Variants in C6 observed in about 807,000 individuals in gnomAD.
The protein encoded by C6 is complement C6.
In C6, 101 loss-of-function variants were observed where a neutral mutation model predicts 112.9. The observed-to-expected ratio is 0.89, with a 90% CI of 0.76 to 1.06. C6 has a LOEUF of 1.06. Among genes scored for constraint, C6 ranks in the 50% least tolerant of loss-of-function variants. C6 has a pLI of 0.00. For missense variants in C6, 1,202 were observed against 1,104.6 expected (o/e 1.09, Z -1.25); for synonymous variants, 431 against 384.1 (o/e 1.12, Z -1.43).
chr5:41,253,106 G>A (rs2921170), intron 1 of C6, among the ~76,000 whole-genome samples: 102,093 of 152,066 alleles, frequency 0.67, 34,451 homozygotes, highest in South Asian at 0.72. Flanking sequence ...ATTGAAATCT[G>A]ATTATATGTT....
At chr5:41,258,322 CACTT>C (rs1186976231) in intron 1 of C6, among the ~76,000 whole-genome samples, 1 of 152,162 alleles carries the variant, frequency 6.6e-6, no homozygotes, top group Non-Finnish European at 1.5e-5. Flanking sequence ...AGGATTCTGA[CACTT>C]ATTCAATTGT....
intron 1 of C6, among the ~76,000 whole-genome samples, chr5:41,253,499 C>T (rs912116914): frequency 2.0e-5 from 3 of 152,200 alleles, no homozygotes; most frequent in Non-Finnish European, 1.5e-5. Context: ...CCAGGCTCCA[C>T]TTGGGATTTT....
intron 1 of C6, among the ~76,000 whole-genome samples, chr5:41,250,338 G>A (rs1741272670): frequency 6.6e-6 from 1 of 152,082 alleles, no homozygotes; most frequent in Admixed American, 6.6e-5. Flanking sequence ...ACCGGCATGA[G>A]TTAGATGATT....
At chr5:41,181,632 T>G in intron 6 of C6, 73 bp from the exon 7 acceptor site, 2 of 1,223,258 alleles carry the variant, frequency 1.6e-6, no homozygotes, top group Non-Finnish European at 2.4e-6. Context: ...TCTAATGAAA[T>G]GATGATTTAT....
intron 16 of C6, among the ~76,000 whole-genome samples, 197 bp downstream of exon 16, chr5:41,149,738 G>A (rs906181027): frequency 6.6e-6 from 1 of 152,186 alleles, no homozygotes; most frequent in African/African-American, 2.4e-5. Context: ...TTTAAACAGG[G>A]AACTGGGCTG....
At chr5:41,209,344 C>T (rs141740854) in intron 1 of C6, among the ~76,000 whole-genome samples, 1 of 152,092 alleles carries the variant, frequency 6.6e-6, no homozygotes, top group Non-Finnish European at 1.5e-5. Flanking sequence ...CACCCCTATT[C>T]AACATAGTGT....
Position 41,153,711 on chromosome 5 carries a change from C to G in C6, c.2290+99G>C, listed in dbSNP as rs371440721. On this transcript the variant is annotated intron_variant, in intron 15 of 17. Transcript: ENST00000337836. ...CTGTCTAAACTTGCATCTTTTTTAGCCTCTCAGTGCTTAAGAAATATAATG... is the reference window on the plus strand; with the variant it reads ...CTGTCTAAACTTGCATCTTTTTTAGGCTCTCAGTGCTTAAGAAATATAATG... 2.8e-5 allele frequency: 26 copies of G among 912,406 alleles called. 1 individual carries two copies. The highest frequency in any genetic ancestry group is 7.4e-5 in the East Asian group (3 of 40,726). 56.5% of individuals were successfully genotyped at this position (912,406 alleles called of 1,614,324 possible). A position where few individuals can be genotyped will look rare whatever the true frequency, so the allele number is the denominator to read the frequency against.
At position 41,234,882 on chromosome 5, in the gene C6, C is replaced by T. The variant is rs117860557; in HGVS notation, c.-21+26312G>A. 1.7e-3 allele frequency among the ~76,000 whole-genome samples: 261 copies of T among 152,010 alleles called. 6 individuals carry two copies. The East Asian group carries it at 0.048, about 28-fold the overall frequency. On this transcript the variant is annotated intron_variant, in intron 1 of 17. Coordinates refer to the C6 transcript ENST00000263413. ...ATACAAGGTAGATAATTTATTGTTG[C>T]CTGTTGCTATAATAATTCCTTACTA...
chr5:41,149,054 C>G (rs1189626154), intron 17 of C6, among the ~76,000 whole-genome samples, 187 bp downstream of exon 17: 1 of 152,212 alleles, frequency 6.6e-6, no homozygotes, highest in East Asian at 1.9e-4. Flanking sequence ...ACCCACATTA[C>G]TACAGTAGTT....
intron 9 of C6, among the ~76,000 whole-genome samples, chr5:41,164,870 C>T (rs535771521): frequency 2.3e-4 from 35 of 152,200 alleles, no homozygotes; most frequent in African/African-American, 7.9e-4. Flanking sequence ...CAGAAATGTA[C>T]ATAAATCATT....
chr5:41,230,939 A>C (rs1368646885), intron 1 of C6, among the ~76,000 whole-genome samples: 2 of 152,144 alleles, frequency 1.3e-5, no homozygotes, highest in African/African-American at 4.8e-5. Context: ...TTCTATTGTT[A>C]TATCTTTTTG....
At chr5:41,250,505 A>G (rs1741284896) in intron 1 of C6, among the ~76,000 whole-genome samples, 1 of 152,202 alleles carries the variant, frequency 6.6e-6, no homozygotes, top group Admixed American at 6.5e-5. Flanking sequence ...TGTCCCATTC[A>G]TGTTGGGCCT....
chr5:41,144,468 T>G (rs1005219986), intron 17 of C6, among the ~76,000 whole-genome samples: 1 of 152,144 alleles, frequency 6.6e-6, no homozygotes, highest in Non-Finnish European at 1.5e-5. Flanking sequence ...GGTCTCATTA[T>G]GTTGCCCAGG....
chr5:41,204,212 G>A (rs1335505134), intron 1 of C6, among the ~76,000 whole-genome samples: 2 of 152,106 alleles, frequency 1.3e-5, no homozygotes, highest in African/African-American at 2.4e-5. Context: ...TAATTTTTCT[G>A]TCTCAGTTTC....
At chr5:41,232,264 G>A (rs957780648) in intron 1 of C6, among the ~76,000 whole-genome samples, 6 of 152,004 alleles carry the variant, frequency 3.9e-5, no homozygotes, top group Non-Finnish European at 7.4e-5. Context: ...AGTTGTGGCC[G>A]TCTTAGTAGC....
At chr5:41,245,028 T>A (rs1740939814) in intron 1 of C6, among the ~76,000 whole-genome samples, 2 of 152,226 alleles carry the variant, frequency 1.3e-5, no homozygotes, top group Admixed American at 1.3e-4. Context: ...TTTTCCTTTT[T>A]GTGTTTTGCT....
intron 1 of C6, among the ~76,000 whole-genome samples, chr5:41,241,838 A>T (rs188684386): frequency 6.6e-6 from 1 of 152,336 alleles, no homozygotes; most frequent in African/African-American, 2.4e-5. Flanking sequence ...CTTAGGTAGG[A>T]CAGAACATTC....
intron 10 of C6, among the ~76,000 whole-genome samples, chr5:41,161,250 A>G (rs560800653): frequency 6.6e-6 from 1 of 152,314 alleles, no homozygotes; most frequent in Admixed American, 6.5e-5. Flanking sequence ...TACAACAAAT[A>G]CAAAACTGGT....
intron 5 of C6, among the ~76,000 whole-genome samples, chr5:41,188,344 G>A (rs1749945242): frequency 6.6e-6 from 1 of 152,050 alleles, no homozygotes; most frequent in African/African-American, 2.4e-5. Flanking sequence ...CAAAGTTCAA[G>A]GAATTACCTT....
Sources: gnomAD v4.1 joint callset for allele counts (sites outside exome capture counted in the v4.1 genomes callset) on GRCh38, gnomAD v4.1.1 for gene constraint, MANE v1.5 for transcripts, NCBI Gene and HGNC (gene_info 2026-07-23, HGNC 2026-07-21) for gene names.